CLIC5: variants seen among roughly 807,000 people sequenced by gnomAD.
The protein encoded by CLIC5 is CLIC family member 5, also known as chloride intracellular channel protein 5.
A neutral mutation model predicts 24.7 loss-of-function variants in CLIC5; 20 were observed. The observed-to-expected ratio is 0.81, with a 90% CI of 0.57 to 1.18. CLIC5 has a LOEUF of 1.18. Among genes scored for constraint, CLIC5 ranks in the 50% most tolerant of loss-of-function variants. The pLI is 0.00. For missense variants in CLIC5, 341 were observed against 326.1 expected, an observed-to-expected ratio of 1.05 and a Z score of -0.35; for synonymous variants, 159 against 135.6, an observed-to-expected ratio of 1.17 and a Z score of -1.20.
At chr6:45,921,040 G>A (rs114494938) in intron 4 of CLIC5, among the ~76,000 whole-genome samples, 1,799 of 152,236 alleles carry the variant, frequency 0.012, 18 homozygotes, top group Admixed American at 0.03. Flanking sequence ...TAAAGAAAGA[G>A]AACAGTAGCC....
intron 1 of CLIC5, among the ~76,000 whole-genome samples, chr6:45,987,695 T>C (rs1274381328): frequency 6.6e-6 from 1 of 152,194 alleles, no homozygotes; most frequent in Non-Finnish European, 1.5e-5. Flanking sequence ...GATGGCTGCC[T>C]TCCGGCTCTG....
At chr6:45,996,860 G>A (rs1300645715) in intron 1 of CLIC5, among the ~76,000 whole-genome samples, 1 of 151,848 alleles carries the variant, frequency 6.6e-6, no homozygotes, top group Non-Finnish European at 1.5e-5. Context: ...AACAACAGGT[G>A]CTGGAGAGGA....
At chr6:46,080,189 C>A (rs1267138043) in exon 1 of CLIC5, 33 of 1,551,500 alleles carry the variant, frequency 2.1e-5, no homozygotes, top group Non-Finnish European at 2.6e-5. Flanking sequence ...GAACCTCATA[C>A]GTCCTCTCAT....
upstream of CLIC5, among the ~76,000 whole-genome samples, chr6:46,017,709 G>A (rs902496867): frequency 3.3e-5 from 5 of 152,202 alleles, no homozygotes; most frequent in Non-Finnish European, 5.9e-5. Flanking sequence ...AGCTATACAA[G>A]CTGTCACGTA....
At position 45,948,929 on chromosome 6, in the gene CLIC5, G is replaced by A. The variant is rs545576108; in HGVS notation, c.299+327C>T. ...AAGGAAACTTTGTCCTCACTTCAAC[G>A]TCTTCCAAGCAAAGTGAGCTGGAGA... On this transcript the variant is annotated intron_variant, in intron 3 of 5. Coordinates refer to ENST00000339561, the MANE Select transcript of CLIC5 (RefSeq NM_016929.5). Among the ~76,000 whole-genome samples the A allele has an allele frequency of 1.4e-4, 22 of 152,232 alleles. No individual in the cohort carries two copies. The South Asian group carries it at 4.6e-3, about 32-fold the overall frequency.
chr6:45,903,306 A>T (rs749652445), intron 5 of CLIC5, 51 bp from the exon 6 acceptor site: 2 of 1,516,976 alleles, frequency 1.3e-6, no homozygotes, highest in South Asian at 2.6e-5. Flanking sequence ...GAAACAAATC[A>T]TTAGAAAGTG....
chr6:46,069,010 G>C lies in CLIC5; in HGVS notation c.540+10693C>G, dbSNP rs562415348. 7.2e-5 allele frequency among the ~76,000 whole-genome samples: 11 copies of C among 152,264 alleles called. No homozygotes were observed. The East Asian group carries it at 2.1e-3, about 29-fold the overall frequency. On this transcript the variant is annotated intron_variant, in intron 1 of 5. Transcript: ENST00000185206. Reference sequence around the variant, plus strand: ...CCAACACAGCCCAGCCTTTTAGGGAGGGACGAGGAAAGCCCTCCTGAAAAG... The same window carrying C: ...CCAACACAGCCCAGCCTTTTAGGGACGGACGAGGAAAGCCCTCCTGAAAAG...
rs12665064 is a variant in CLIC5, at chr6:45,984,151, G to A, written c.64-28907C>T. Among the ~76,000 whole-genome samples the A allele has an allele frequency of 5.8e-3, 878 of 152,234 alleles. 61 individuals are homozygous for A. In the East Asian group the frequency reaches 0.14, roughly 25 times the overall value. On this transcript the variant is annotated intron_variant, in intron 1 of 5. Coordinates refer to ENST00000339561, the MANE Select transcript of CLIC5 (RefSeq NM_016929.5). Reference sequence around the variant, plus strand: ...AGAAAACTAGTACAAAAATTGAATTGGTTTTCCCCTAGAGATTTAAAAAAG... The same window carrying A: ...AGAAAACTAGTACAAAAATTGAATTAGTTTTCCCCTAGAGATTTAAAAAAG...
chr6:45,924,937 G>A (rs1409257246), intron 4 of CLIC5, among the ~76,000 whole-genome samples: 4 of 152,174 alleles, frequency 2.6e-5, no homozygotes, highest in Non-Finnish European at 5.9e-5. Context: ...GGCTGGCATT[G>A]TCTGGAATGC....
intron 5 of CLIC5, among the ~76,000 whole-genome samples, chr6:45,904,022 C>A (rs532947015): frequency 1.3e-5 from 2 of 152,088 alleles, no homozygotes; most frequent in Non-Finnish European, 2.9e-5. Context: ...GGGATGTGGA[C>A]TGGAGAGTTC....
upstream of CLIC5, among the ~76,000 whole-genome samples, chr6:46,016,566 C>T (rs1767017211): frequency 6.6e-6 from 1 of 152,148 alleles, no homozygotes; most frequent in Non-Finnish European, 1.5e-5. Flanking sequence ...ATTTTCTGAT[C>T]TTACTTCATT....
chr6:46,036,935 A>T (rs901547473), intron 1 of CLIC5, among the ~76,000 whole-genome samples: 1 of 152,240 alleles, frequency 6.6e-6, no homozygotes, highest in African/African-American at 2.4e-5. Flanking sequence ...AAGTCTCCTT[A>T]GTATAGTCTA....
At chr6:46,125,185 C>T in the CLIC5 span, among the ~76,000 whole-genome samples, 2 of 151,930 alleles carry the variant, frequency 1.3e-5, no homozygotes. Context: ...CCCAAATGTC[C>T]AACAATGATA....
intron 1 of CLIC5, among the ~76,000 whole-genome samples, chr6:46,073,263 A>C (rs1372929762): frequency 6.6e-6 from 1 of 152,198 alleles, no homozygotes; most frequent in Non-Finnish European, 1.5e-5. Context: ...TTTAAACTGG[A>C]AACTATACTA....
At chr6:45,988,370 G>A (rs1382817146) in intron 1 of CLIC5, among the ~76,000 whole-genome samples, 9 of 152,092 alleles carry the variant, frequency 5.9e-5, no homozygotes, top group African/African-American at 1.7e-4. Context: ...GCCAAGTCAG[G>A]TTTTCAATTG....
chr6:45,995,153 G>A (rs907671446), intron 1 of CLIC5, among the ~76,000 whole-genome samples: 1 of 152,290 alleles, frequency 6.6e-6, no homozygotes, highest in Non-Finnish European at 1.5e-5. Context: ...TGATAGGTTA[G>A]GAACATGTAT....
chr6:46,053,423 C>A (rs1195143574), intron 1 of CLIC5, among the ~76,000 whole-genome samples: 2 of 152,110 alleles, frequency 1.3e-5, no homozygotes, highest in Non-Finnish European at 2.9e-5. Flanking sequence ...TTGAGCCGTG[C>A]CCAGTTAACA....
At position 45,997,124 on chromosome 6, in the gene CLIC5, A is replaced by G. The variant is rs1367542513; in HGVS notation, c.63+18356T>C. Among the ~76,000 whole-genome samples, 8 of 150,856 alleles carry G rather than the reference A, an allele frequency of 5.3e-5. No homozygotes were observed. The South Asian group carries it at 1.5e-3, about 28-fold the overall frequency. The stretch of plus-strand genomic sequence containing the variant: ...CAAGCCAAATGTCCAACAATGATAG[A>G]CTGGATTAAGAAAATGTGGCACATA... On this transcript the variant is annotated intron_variant, in intron 1 of 5. Transcript: ENST00000339561.
chr6:45,947,362 C>T (rs1167790941), intron 3 of CLIC5, among the ~76,000 whole-genome samples: 1 of 152,010 alleles, frequency 6.6e-6, no homozygotes, highest in Admixed American at 6.5e-5. Context: ...TATCCTGTCA[C>T]AGAGAAGGGA....
Sources: gnomAD v4.1 joint callset for allele counts (sites outside exome capture counted in the v4.1 genomes callset) on GRCh38, gnomAD v4.1.1 for gene constraint, MANE v1.5 for transcripts, NCBI Gene and HGNC (gene_info 2026-07-23, HGNC 2026-07-21) for gene names.